TG: variants seen among roughly 807,000 people sequenced by gnomAD.
TG encodes the protein thyroid hormones.
In TG, 270 loss-of-function variants were observed where a neutral mutation model predicts 324.7. That is an observed-to-expected ratio of 0.83 (90% CI 0.75 to 0.92). TG has a LOEUF of 0.92. TG is among the 40% of genes least tolerant of loss of function. TG has a pLI of 0.00. For missense variants in TG, 3,591 were observed against 3,456.4 expected (o/e 1.04, Z -0.98); for synonymous variants, 1,401 against 1,327.0 (o/e 1.06, Z -1.21).
intron 9 of TG, 111 bp from the exon 10 acceptor site, chr8:132,887,873 A>G: frequency 1.9e-6 from 2 of 1,032,208 alleles, no homozygotes; most frequent in South Asian, 1.4e-5. Flanking sequence ...TGGTATTTCT[A>G]TGGCTATATA....
chr8:133,029,172 A>G (rs1435591306), intron 40 of TG, among the ~76,000 whole-genome samples: 1 of 152,230 alleles, frequency 6.6e-6, no homozygotes, highest in Non-Finnish European at 1.5e-5. Context: ...TAGTGTCTCA[A>G]AAACCTAAGG....
chr8:133,061,022 G>GT (rs1264903054), intron 41 of TG, among the ~76,000 whole-genome samples: 1 of 152,118 alleles, frequency 6.6e-6, no homozygotes. Context: ...TTCTGTTTTT[G>GT]TTTTTTTGAG....
chr8:132,892,949 ATG>A (rs1474422759), intron 10 of TG, among the ~76,000 whole-genome samples: 2 of 127,876 alleles, frequency 1.6e-5, no homozygotes, highest in East Asian at 5.0e-4. Context: ...GTGTGTATGC[ATG>A]TGTGTGTACT....
At chr8:133,047,016 A>G (rs1165492275) in intron 41 of TG, 1 of 152,158 alleles carries the variant, frequency 6.6e-6, no homozygotes, top group African/African-American at 2.4e-5. Context: ...AGTTATTATT[A>G]TTATTCAGTC....
In TG at chr8:132,941,229, C is replaced by A. The variant is rs78962677; in HGVS notation, c.5042-122C>A. The A allele has an allele frequency of 3.9e-5, 47 of 1,201,966 alleles. No individual in the cohort carries two copies. The East Asian group carries it at 9.0e-4, about 23-fold the overall frequency. The allele number at this position is 1,201,966 out of a possible 1,614,324, so 74.5% of individuals were successfully genotyped here. A position where few individuals can be genotyped will look rare whatever the true frequency, so the allele number is the denominator to read the frequency against. ...GGCACAGAGAGCATCTCATCTTGGC[C>A]CACACGCTGCCTGGAGCACTGTTGC... On this transcript the variant is annotated intron_variant, in intron 25 of 47. Coordinates refer to ENST00000220616, the MANE Select transcript of TG (RefSeq NM_003235.5).
intron 27 of TG, among the ~76,000 whole-genome samples, chr8:132,952,573 A>G (rs1826263566): frequency 6.6e-6 from 1 of 152,210 alleles, no homozygotes; most frequent in Non-Finnish European, 1.5e-5. Context: ...GGGTACTATC[A>G]GGCTATGGTT....
At position 132,914,782 on chromosome 8, in the gene TG, G is replaced by A. The variant is rs181632265; in HGVS notation, c.4378+1517G>A. Among the ~76,000 whole-genome samples the A allele has an allele frequency of 1.8e-3, 280 of 152,288 alleles. 1 individual carries two copies. The highest frequency in any genetic ancestry group is 8.2e-3 in the Admixed American group (126 of 15,300). On this transcript the variant is annotated intron_variant, in intron 20 of 47. Coordinates refer to ENST00000220616, the MANE Select transcript of TG (RefSeq NM_003235.5). ...CCATCAGAGCTGCCCAAACCAAGGG[G>A]ACAAGAAACAGAAGCAGGAGTGGAT...
Position 132,919,509 on chromosome 8 carries a change from T to A in TG, c.4512T>A (p.Ala1504=), listed in dbSNP as rs766401045. The change falls in exon 21 of 48, where the codon GCT becomes GCA. Residue 1504 remains alanine (A), a synonymous_variant. Transcript: ENST00000220616. Reference sequence around the variant, plus strand: ...GCAGAACGACCATTTCTGCTGGAGCTTTCAGCCAGACTCACTGTAAGTTCT... The same window carrying A: ...GCAGAACGACCATTTCTGCTGGAGCATTCAGCCAGACTCACTGTAAGTTCT... ...PVGRTTISAG[A]FSQTHCVTDC... 6.2e-7 allele frequency: 1 copy of A among 1,613,932 alleles called. No homozygotes were observed. Among genetic ancestry groups the A allele is most frequent in the East Asian group, 2.2e-5 (1 of 44,882 alleles).
intron 41 of TG, chr8:133,048,588 A>G (rs1218696831): frequency 6.4e-6 from 1 of 156,518 alleles, no homozygotes; most frequent in Non-Finnish European, 1.4e-5. Flanking sequence ...TCATAGGGTC[A>G]TAATTATGTC....
intron 41 of TG, among the ~76,000 whole-genome samples, chr8:133,073,915 C>T (rs1844466559): frequency 6.6e-6 from 1 of 152,120 alleles, no homozygotes. Flanking sequence ...TAGGATTGTT[C>T]TGAGGATTGC....
At chr8:132,869,871 C>A in intron 3 of TG, 45 bp downstream of exon 3, 1 of 1,563,426 alleles carries the variant, frequency 6.4e-7, no homozygotes, top group Non-Finnish European at 8.8e-7. Context: ...CCTGCTAGGA[C>A]AACTCACTTC....
chr8:132,900,953 C>T (rs936585865), intron 15 of TG, among the ~76,000 whole-genome samples: 4 of 152,186 alleles, frequency 2.6e-5, no homozygotes, highest in South Asian at 2.1e-4. Flanking sequence ...GCAATATGTC[C>T]GTCTATCCCC....
intron 35 of TG, among the ~76,000 whole-genome samples, chr8:132,985,772 A>G (rs1168676743): frequency 6.6e-6 from 1 of 152,074 alleles, no homozygotes; most frequent in Non-Finnish European, 1.5e-5. Flanking sequence ...GCACTGGGGC[A>G]CTGCTTGTTC....
chr8:133,111,953 G>T (rs1850278602), intron 43 of TG, among the ~76,000 whole-genome samples: 1 of 152,240 alleles, frequency 6.6e-6, no homozygotes, highest in Non-Finnish European at 1.5e-5. Context: ...TTCTCGTTCA[G>T]CCGGGTGGAG....
Position 132,972,622 on chromosome 8 carries a change from T to G in TG, c.6080T>G (p.Leu2027Arg). Residue 2027 changes from leucine to arginine, a missense_variant, in exon 34 of 48, where the codon CTG becomes CGG. Coordinates refer to ENST00000220616, the MANE Select transcript of TG (RefSeq NM_003235.5). The part of the protein sequence containing the change: ...LKGGEVTCLT[L>R]NSLGIQMCSE... ...GGAGGAGAGGTGACATGTCTCACTC[T>G]GAACAGCTTGGGAATTCAGATGTGC... 1.2e-6 allele frequency: 2 copies of G among 1,606,212 alleles called. No individual in the cohort carries two copies. Among genetic ancestry groups the G allele is most frequent in the Non-Finnish European group, 1.7e-6 (2 of 1,175,190 alleles).
chr8:133,057,498 A>T (rs1841659441), intron 41 of TG, among the ~76,000 whole-genome samples: 1 of 152,204 alleles, frequency 6.6e-6, no homozygotes, highest in African/African-American at 2.4e-5. Context: ...AGAGTTTTTA[A>T]AAGTTTCCAC....
intron 41 of TG, 110 bp downstream of exon 41, chr8:133,030,133 C>A: frequency 7.4e-7 from 1 of 1,355,724 alleles, no homozygotes; most frequent in Non-Finnish European, 1.1e-6. Context: ...TTTCCCTTGT[C>A]CTTTGTCCTG....
rs140301550 is a variant in TG, at chr8:132,898,203, C to T, written c.3174C>T (p.Phe1058=). Residue 1058 remains phenylalanine, a synonymous_variant, in exon 13 of 48, where the codon TTC becomes TTT. Transcript: ENST00000220616. ...HCWCVDEKGG[F]IPGSLTARSL... The stretch of plus-strand genomic sequence containing the variant: ...GGTGTGTAGATGAGAAAGGAGGGTT[C>T]ATCCCTGGCTCACTGACTGCCCGCT... The T allele has an allele frequency of 2.8e-5, 45 of 1,605,576 alleles. No homozygotes were observed. The African/African-American group carries it at 4.5e-4, about 16-fold the overall frequency.
intron 5 of TG, among the ~76,000 whole-genome samples, chr8:132,873,544 C>G (rs180211): frequency 0.58 from 87,652 of 152,040 alleles, 25,403 homozygotes; most frequent in East Asian, 0.67. Context: ...ATCATCAAAA[C>G]GTGGCTTGCT....
Sources: allele counts gnomAD v4.1 joint callset (sites outside exome capture counted in the v4.1 genomes callset), GRCh38; gene constraint gnomAD v4.1.1; transcripts MANE v1.5; gene names NCBI Gene and HGNC (gene_info 2026-07-23, HGNC 2026-07-21).